Variants in C11orf65 observed in about 807,000 individuals in gnomAD.
The protein encoded by C11orf65 is chromosome 11 open reading frame 65.
Under a neutral mutation model 35.3 loss-of-function variants are expected in C11orf65, and 38 were observed. The ratio of observed to expected loss-of-function variants is 1.08; its 90% confidence interval spans 0.83 to 1.41. The LOEUF (loss-of-function observed/expected upper bound fraction) is 1.41. Among genes scored for constraint, C11orf65 ranks in the 40% most tolerant of loss-of-function variants. C11orf65 has a pLI of 0.00. For synonymous variants in C11orf65, 105 were observed against 114.4 expected, an observed-to-expected ratio of 0.92 and a Z score of 0.53; for missense variants, 370 against 367.1, an observed-to-expected ratio of 1.01 and a Z score of -0.06.
intron 8 of C11orf65, among the ~76,000 whole-genome samples, chr11:108,383,953 C>A (rs542549793): frequency 6.6e-6 from 1 of 151,236 alleles, no homozygotes; most frequent in Admixed American, 6.6e-5. Flanking sequence ...GCCTCCACCT[C>A]CTGGGCTCAA....
chr11:108,388,337 G>T (rs2092064273), intron 7 of C11orf65, among the ~76,000 whole-genome samples: 1 of 152,150 alleles, frequency 6.6e-6, no homozygotes, highest in Non-Finnish European at 1.5e-5. Context: ...AAGTTTTACA[G>T]ACATAGAAGC....
intron 6 of C11orf65, among the ~76,000 whole-genome samples, chr11:108,317,808 G>A (rs2084878957): frequency 6.6e-6 from 1 of 151,178 alleles, no homozygotes; most frequent in Non-Finnish European, 1.5e-5. Context: ...AATGCACCTA[G>A]GCTTGAATTT....
At chr11:108,352,771 A>C (rs1458240614) in intron 2 of C11orf65, among the ~76,000 whole-genome samples, 2 of 152,258 alleles carry the variant, frequency 1.3e-5, no homozygotes, top group African/African-American at 4.8e-5. Flanking sequence ...ATTTGGATGA[A>C]TCTCCAGAGA....
chr11:108,335,243 G>A (rs545111721), exon 3 of C11orf65: 1 of 1,544,724 alleles, frequency 6.5e-7, no homozygotes, highest in African/African-American at 1.4e-5. Context: ...TTGTAGAGTA[G>A]AAATGCATTA....
rs376898203 is a variant in C11orf65, at chr11:108,317,429, T to A, written c.641-8358A>T. 3 of 1,612,496 alleles carry A rather than the reference T, an allele frequency of 1.9e-6. No individual in the cohort carries two copies. The highest frequency in any genetic ancestry group is 2.5e-6 in the Non-Finnish European group (3 of 1,179,426). ...TTTCCGTCTATTTAAAAGGATTGGA[T>A]TATGAAAATAAAGACTGGTGTCCTG... is the stretch of plus-strand genomic sequence containing the variant. On this transcript the variant is annotated intron_variant, in intron 6 of 6. Transcript: ENST00000525729.
At chr11:108,359,145 C>A (rs1244280) in intron 2 of C11orf65, among the ~76,000 whole-genome samples, 33 of 150,554 alleles carry the variant, frequency 2.2e-4, no homozygotes, top group Admixed American at 6.0e-4. Context: ...GGGTTGCAAT[C>A]CTAGTCTCTG....
chr11:108,356,656 G>A (rs2089962543), intron 2 of C11orf65, among the ~76,000 whole-genome samples: 1 of 151,942 alleles, frequency 6.6e-6, no homozygotes, highest in African/African-American at 2.4e-5. Context: ...TTTATGCTAA[G>A]GTGGATTTGG....
At chr11:108,352,549 A>C (rs1378290660) in intron 2 of C11orf65, among the ~76,000 whole-genome samples, 4 of 152,188 alleles carry the variant, frequency 2.6e-5, no homozygotes, top group African/African-American at 9.6e-5. Context: ...CAAAAGAACA[A>C]TCTTTAAGAA....
At chr11:108,411,120 G>A (rs1312043754) in intron 3 of C11orf65, among the ~76,000 whole-genome samples, 1 of 151,922 alleles carries the variant, frequency 6.6e-6, no homozygotes, top group African/African-American at 2.4e-5. Flanking sequence ...TGCATTTAGA[G>A]GTATAAATTT....
chr11:108,337,923 G>A (rs2087032183), intron 2 of C11orf65, among the ~76,000 whole-genome samples: 1 of 152,212 alleles, frequency 6.6e-6, no homozygotes, highest in Non-Finnish European at 1.5e-5. Flanking sequence ...GTTCATTGCT[G>A]TAAAGCACAA....
At chr11:108,466,976 G>C (rs1367293595) in intron 1 of C11orf65, among the ~76,000 whole-genome samples, 1 of 92,392 alleles carries the variant, frequency 1.1e-5, no homozygotes, top group African/African-American at 4.6e-5. Context: ...GCTAGGGGCA[G>C]GAGAAGAAAA....
rs778933193 is a variant in C11orf65 at position 108,407,152 on chromosome 11, A to G, written c.175-3T>C. 3.2e-6 allele frequency: 5 copies of G among 1,580,972 alleles called. No homozygotes were observed. The African/African-American group carries it at 4.1e-5, about 13-fold the overall frequency. On this transcript the variant is annotated splice_polypyrimidine_tract_variant and splice_region_variant and intron_variant, in intron 3 of 8. Transcript: ENST00000393084. The stretch of plus-strand genomic sequence containing the variant: ...GCAGCAGCATCTAGAAGCTCTGCCT[A>G]TAAGAAAATATATTATTCTTATATA...
intron 2 of C11orf65, among the ~76,000 whole-genome samples, chr11:108,455,588 C>T (rs180680375): frequency 3.7e-4 from 56 of 151,566 alleles, no homozygotes; most frequent in African/African-American, 4.8e-4. Flanking sequence ...GAGGTCGAGG[C>T]GGGCGGATCA....
intron 2 of C11orf65, among the ~76,000 whole-genome samples, chr11:108,351,280 G>C (rs2089170418): frequency 6.6e-6 from 1 of 152,150 alleles, no homozygotes; most frequent in Admixed American, 6.5e-5. Flanking sequence ...GGACTGAAAG[G>C]GGGCCTCTGG....
downstream of C11orf65, among the ~76,000 whole-genome samples, chr11:108,378,164 C>T (rs1289508145): frequency 6.6e-6 from 1 of 152,180 alleles, no homozygotes; most frequent in Non-Finnish European, 1.5e-5. Context: ...AAAGGGCCCG[C>T]ATCGGCAAGT....
intron 6 of C11orf65, among the ~76,000 whole-genome samples, chr11:108,313,604 C>T (rs746836730): frequency 6.6e-6 from 1 of 152,130 alleles, no homozygotes; most frequent in Non-Finnish European, 1.5e-5. Flanking sequence ...GATTTTTCTC[C>T]TTTCACTTTT....
rs181209926 is a variant in C11orf65 at position 108,315,508 on chromosome 11, C to G, written c.641-6437G>C. Among the ~76,000 whole-genome samples the G allele has an allele frequency of 2.3e-3, 357 of 151,994 alleles. 1 individual carries two copies. Among genetic ancestry groups the G allele is most frequent in the African/African-American group, 7.2e-3 (300 of 41,454 alleles). ...GTACATTTATTTTATGCATTCATGA[C>G]ATAACTTTTAAAAAATTTTTCAGTA... is the stretch of plus-strand genomic sequence containing the variant. On this transcript the variant is annotated intron_variant, in intron 6 of 6. Transcript: ENST00000525729.
intron 6 of C11orf65, chr11:108,321,519 A>C: frequency 1.3e-6 from 2 of 1,545,608 alleles, no homozygotes; most frequent in Non-Finnish European, 1.8e-6. Context: ...ACGGTGGCTC[A>C]TGCCTGTAAT....
chr11:108,420,049 AGTT>A (rs2092793055), intron 3 of C11orf65, among the ~76,000 whole-genome samples: 1 of 152,240 alleles, frequency 6.6e-6, no homozygotes, highest in Admixed American at 6.5e-5. Flanking sequence ...AGGATTGCAA[AGTT>A]GTTGGGAACA....
Sources: allele counts gnomAD v4.1 joint callset (sites outside exome capture counted in the v4.1 genomes callset), GRCh38; gene constraint gnomAD v4.1.1; transcripts MANE v1.5; gene names NCBI Gene and HGNC (gene_info 2026-07-23, HGNC 2026-07-21).